Variants in PIK3CA observed in about 807,000 individuals in gnomAD.
PIK3CA encodes phosphatidylinositol-4,5-bisphosphate 3-kinase catalytic subunit alpha.
In PIK3CA, 27 loss-of-function variants were observed where a neutral mutation model predicts 138.2. The ratio of observed to expected loss-of-function variants is 0.20; its 90% CI spans 0.14 to 0.27. PIK3CA has a LOEUF of 0.27. Ranked by LOEUF, PIK3CA falls within the 10% of genes least tolerant of loss-of-function variation. The pLI, the probability that PIK3CA is intolerant of heterozygous loss-of-function variation, is 1.00. For synonymous variants in PIK3CA, 358 were observed against 413.2 expected (o/e 0.87, Z 1.62); for missense variants, 544 against 1,277.4 (o/e 0.43, Z 8.75).
chr3:179,213,039 G>C (rs1724755180), intron 9 of PIK3CA, among the ~76,000 whole-genome samples: 1 of 152,124 alleles, frequency 6.6e-6, no homozygotes, highest in Non-Finnish European at 1.5e-5. Context: ...AGGGTCAGCT[G>C]TATAAATCAC....
chr3:179,222,648 G>A (rs1319501492), intron 14 of PIK3CA, among the ~76,000 whole-genome samples: 4 of 152,180 alleles, frequency 2.6e-5, no homozygotes, highest in African/African-American at 7.2e-5. Flanking sequence ...ACTATTGGTC[G>A]TTTACCCTCA....
At chr3:179,213,914 G>A (rs775477133) in intron 9 of PIK3CA, among the ~76,000 whole-genome samples, 12 of 152,220 alleles carry the variant, frequency 7.9e-5, no homozygotes, top group Admixed American at 2.0e-4. Flanking sequence ...ATCAGCACTT[G>A]CTGCTTCACA....
At chr3:179,197,311 A>G (rs1187603220) in intron 1 of PIK3CA, among the ~76,000 whole-genome samples, 1 of 152,186 alleles carries the variant, frequency 6.6e-6, no homozygotes, top group Non-Finnish European at 1.5e-5. Flanking sequence ...TGCTAGGATT[A>G]CAGGTGTGAG....
At chr3:179,161,622 A>C (rs1723283601) in intron 1 of PIK3CA, among the ~76,000 whole-genome samples, 1 of 152,184 alleles carries the variant, frequency 6.6e-6, no homozygotes. Flanking sequence ...GCTTAAACCC[A>C]GGAGTTGGAG....
chr3:179,170,075 C>CGT (rs869135869), intron 1 of PIK3CA, among the ~76,000 whole-genome samples: 5 of 56,498 alleles, frequency 8.8e-5, no homozygotes, highest in Non-Finnish European at 2.0e-4. Flanking sequence ...CACGCGCGCG[C>CGT]GCACACACAC....
In PIK3CA at chr3:179,236,433, TACATACTA is replaced by T. The variant is rs1245576429; in HGVS notation, c.*2074_*2081del. The stretch of plus-strand genomic sequence containing the variant: ...GTGTTGTTTAGATATAGGCAGTTGA[TACATACTA>T]ACATCCCAGCCTTTTCAATATCAGG... On this transcript the variant is annotated 3_prime_UTR_variant, in exon 21 of 21. Transcript: ENST00000263967. 7 of 213,400 alleles carry T rather than the reference TACATACTA, an allele frequency of 3.3e-5. No individual in the cohort carries two copies. In the East Asian group the frequency reaches 5.0e-4, roughly 15 times the overall value. The allele number at this position is 213,400 out of a possible 1,614,324, so 13.2% of individuals were successfully genotyped here.
intron 9 of PIK3CA, among the ~76,000 whole-genome samples, chr3:179,216,798 A>G (rs1724845620): frequency 6.6e-6 from 1 of 152,178 alleles, no homozygotes; most frequent in Non-Finnish European, 1.5e-5. Context: ...TCTGTAAGTT[A>G]TTTTATATTT....
At chr3:179,205,937 T>G (rs1302472295) in intron 6 of PIK3CA, among the ~76,000 whole-genome samples, 1 of 152,186 alleles carries the variant, frequency 6.6e-6, no homozygotes, top group Non-Finnish European at 1.5e-5. Flanking sequence ...ATGGCCACCC[T>G]TTTAGAGCCT....
chr3:179,224,224 A>C, intron 15 of PIK3CA, 37 bp downstream of exon 15: 1 of 992,692 alleles, frequency 1.0e-6, no homozygotes, highest in Non-Finnish European at 1.5e-6. Flanking sequence ...TATTTAAATA[A>C]ATACCTTTTC....
chr3:179,224,576 G>A, intron 15 of PIK3CA, 124 bp from the exon 16 acceptor site: 1 of 555,396 alleles, frequency 1.8e-6, no homozygotes, highest in Admixed American at 3.7e-5. Context: ...TAAAAATTGA[G>A]GTGAAAGTTG....
Position 179,211,998 on chromosome 3 carries a change from A to T in PIK3CA, c.1539+1433A>T, listed in dbSNP as rs113304114. On this transcript the variant is annotated intron_variant, in intron 9 of 20. Transcript: ENST00000263967. ...ACAACTAATCTTGTAAACAGACAAC[A>T]TAAACTTTGTTTGTTTTTGTTTTTT... Among the ~76,000 whole-genome samples the T allele has an allele frequency of 1.3e-3, 204 of 152,160 alleles. 3 individuals carry two copies. Among genetic ancestry groups the T allele is most frequent in the African/African-American group, 4.5e-3 (186 of 41,542 alleles).
chr3:179,192,989 T>G (rs953831056), intron 1 of PIK3CA, among the ~76,000 whole-genome samples: 10 of 152,170 alleles, frequency 6.6e-5, no homozygotes, highest in Admixed American at 5.2e-4. Flanking sequence ...AGTATAAAAG[T>G]CAAATGACAA....
intron 20 of PIK3CA, among the ~76,000 whole-genome samples, chr3:179,231,272 T>C (rs1392838743): frequency 1.3e-5 from 2 of 152,186 alleles, no homozygotes; most frequent in East Asian, 3.8e-4. Context: ...ACATACGATA[T>C]GCATGCAGAT....
At chr3:179,199,649 A>G (rs201023838) in intron 2 of PIK3CA, 41 bp from the exon 3 acceptor site, 5 of 1,344,754 alleles carry the variant, frequency 3.7e-6, no homozygotes, top group South Asian at 1.2e-5. Context: ...CATGCTGTGT[A>G]TGTAATAGAA....
intron 4 of PIK3CA, among the ~76,000 whole-genome samples, chr3:179,202,438 TCCATGACCTAC>T (rs1351887226): frequency 2.0e-5 from 3 of 152,194 alleles, no homozygotes. Flanking sequence ...TTTCAAAAAA[TCCATGACCTAC>T]TGTTAAGATA....
At chr3:179,232,168 G>C (rs989989672) in intron 20 of PIK3CA, among the ~76,000 whole-genome samples, 1 of 151,980 alleles carries the variant, frequency 6.6e-6, no homozygotes, top group Admixed American at 6.6e-5. Context: ...TGGGGTCTTA[G>C]TCATTTATTA....
chr3:179,167,250 T>TG (rs1723443486), intron 1 of PIK3CA, among the ~76,000 whole-genome samples: 1 of 152,164 alleles, frequency 6.6e-6, no homozygotes, highest in South Asian at 2.1e-4. Context: ...CTACTGGACT[T>TG]GAAGATTATT....
At position 179,177,997 on chromosome 3, in the gene PIK3CA, T is replaced by C. The variant is rs559851341; in HGVS notation, c.-76-20753T>C. Among the ~76,000 whole-genome samples, 27 of 147,170 alleles carry C rather than the reference T, an allele frequency of 1.8e-4. 1 individual carries two copies. Among genetic ancestry groups the C allele is most frequent in the African/African-American group, 6.3e-4 (25 of 39,528 alleles). Reference sequence around the variant, plus strand: ...GTTTACACCTTTAATCCCAGTGCTCTGGGAGGCCAAGGTGGGAGGATCATT... The same window carrying C: ...GTTTACACCTTTAATCCCAGTGCTCCGGGAGGCCAAGGTGGGAGGATCATT... On this transcript the variant is annotated intron_variant, in intron 1 of 20. Transcript: ENST00000263967.
At chr3:179,179,952 G>T (rs573120554) in intron 1 of PIK3CA, among the ~76,000 whole-genome samples, 1 of 152,182 alleles carries the variant, frequency 6.6e-6, no homozygotes, top group South Asian at 2.1e-4. Flanking sequence ...TGAGGTAAAA[G>T]ATTATGGAGC....
Sources: allele counts gnomAD v4.1 joint callset (sites outside exome capture counted in the v4.1 genomes callset), GRCh38; gene constraint gnomAD v4.1.1; transcripts MANE v1.5; gene names NCBI Gene and HGNC (gene_info 2026-07-23, HGNC 2026-07-21).